Variants in PARD3 observed in about 807,000 individuals in gnomAD.
The protein encoded by PARD3 is partitioning defective 3 homolog.
PARD3 carries 75 observed loss-of-function variants against 155.4 expected under a neutral mutation model. That is an observed-to-expected ratio of 0.48 (90% CI 0.40 to 0.58). PARD3 has a LOEUF of 0.58. PARD3 is among the 20% of genes least tolerant of loss of function. The pLI, the probability that PARD3 is intolerant of heterozygous loss-of-function variation, is 0.00. For missense variants in PARD3, 1,642 were observed against 1,721.7 expected (o/e 0.95, Z 0.82); for synonymous variants, 576 against 610.5 (o/e 0.94, Z 0.83).
chr10:34,568,026 C>G (rs1435469333), intron 2 of PARD3, among the ~76,000 whole-genome samples: 1 of 152,214 alleles, frequency 6.6e-6, no homozygotes, highest in Non-Finnish European at 1.5e-5. Flanking sequence ...CAACTGTCTT[C>G]CATTCACTAG....
chr10:34,316,315 TATGGGAG>T (rs1046437521), intron 20 of PARD3, among the ~76,000 whole-genome samples: 17 of 152,200 alleles, frequency 1.1e-4, no homozygotes, highest in African/African-American at 3.9e-4. Flanking sequence ...GATGAACTTT[TATGGGAG>T]AGTTTCAGTG....
At chr10:34,494,608 C>T (rs2080148315) in intron 3 of PARD3, among the ~76,000 whole-genome samples, 1 of 152,170 alleles carries the variant, frequency 6.6e-6, no homozygotes, top group Admixed American at 6.5e-5. Context: ...TTAGGAAAAT[C>T]TTTCTGAGCA....
intron 22 of PARD3, among the ~76,000 whole-genome samples, chr10:34,210,189 A>G (rs1399659490): frequency 6.6e-6 from 1 of 152,162 alleles, no homozygotes; most frequent in Non-Finnish European, 1.5e-5. Context: ...ATCAATGCAA[A>G]AACAGGTCAT....
chr10:34,650,305 G>A (rs538546199), intron 2 of PARD3, among the ~76,000 whole-genome samples: 20 of 152,330 alleles, frequency 1.3e-4, no homozygotes, highest in African/African-American at 4.8e-4. Flanking sequence ...ACTGCAGGTC[G>A]ACACTACGAC....
At chr10:34,357,527 T>G (rs1839013637) in intron 14 of PARD3, among the ~76,000 whole-genome samples, 1 of 152,216 alleles carries the variant, frequency 6.6e-6, no homozygotes, top group South Asian at 2.1e-4. Flanking sequence ...GTTGAGATGT[T>G]TTCATATAGT....
At chr10:34,672,711 TAGA>T (rs376798943) in intron 2 of PARD3, among the ~76,000 whole-genome samples, 10 of 152,238 alleles carry the variant, frequency 6.6e-5, no homozygotes, top group African/African-American at 2.4e-4. Context: ...ATGCTCCTTG[TAGA>T]AGAACTGTTG....
intron 22 of PARD3, among the ~76,000 whole-genome samples, chr10:34,264,494 G>C (rs2133826452): frequency 6.6e-6 from 1 of 152,296 alleles, no homozygotes; most frequent in South Asian, 2.1e-4. Context: ...ATAAGAACTA[G>C]AAGAGCTGCT....
intron 2 of PARD3, among the ~76,000 whole-genome samples, chr10:34,521,315 T>C (rs367889091): frequency 2.2e-5 from 3 of 135,172 alleles, no homozygotes; most frequent in Non-Finnish European, 1.5e-5. Context: ...CTGGGAAAGA[T>C]ATATAATTTT....
At chr10:34,777,200 G>A (rs1412555585) in intron 1 of PARD3, among the ~76,000 whole-genome samples, 2 of 151,872 alleles carry the variant, frequency 1.3e-5, no homozygotes, top group African/African-American at 2.4e-5. Flanking sequence ...GAAGACTCCT[G>A]CCTGCTCACA....
chr10:34,753,014 G>A (rs10082378), intron 1 of PARD3, among the ~76,000 whole-genome samples: 3,602 of 152,306 alleles, frequency 0.024, 145 homozygotes, highest in African/African-American at 0.083. Flanking sequence ...TCTAATGGAA[G>A]AAAACAGCCA....
chr10:34,372,048 T>G (rs1278231778), intron 12 of PARD3, among the ~76,000 whole-genome samples: 1 of 152,178 alleles, frequency 6.6e-6, no homozygotes, highest in Non-Finnish European at 1.5e-5. Flanking sequence ...ACAACTATGC[T>G]TAGCCTAATA....
chr10:34,797,657 T>C (rs2134299037), intron 1 of PARD3, among the ~76,000 whole-genome samples: 1 of 152,318 alleles, frequency 6.6e-6, no homozygotes, highest in South Asian at 2.1e-4. Context: ...AATACCATAG[T>C]TGACCGGTTT....
At chr10:34,374,162 C>G (rs965307257) in intron 11 of PARD3, among the ~76,000 whole-genome samples, 4 of 152,184 alleles carry the variant, frequency 2.6e-5, no homozygotes, top group African/African-American at 9.6e-5. Context: ...TAAATGAAAC[C>G]TAGCACTTTT....
intron 2 of PARD3, among the ~76,000 whole-genome samples, chr10:34,572,466 C>G (rs926662199): frequency 6.6e-6 from 1 of 151,870 alleles, no homozygotes; most frequent in Admixed American, 6.6e-5. Flanking sequence ...ATGGTAAAAC[C>G]CTGTCTCTAC....
chr10:34,268,620 C>T (rs1290709138), intron 22 of PARD3, among the ~76,000 whole-genome samples: 1 of 151,982 alleles, frequency 6.6e-6, no homozygotes, highest in Admixed American at 6.6e-5. Flanking sequence ...GAGTTCATGT[C>T]CTTTGTAGGG....
intron 1 of PARD3, among the ~76,000 whole-genome samples, chr10:34,702,487 C>A (rs1438303906): frequency 6.6e-6 from 1 of 152,168 alleles, no homozygotes; most frequent in Non-Finnish European, 1.5e-5. Context: ...AGTGACTGCC[C>A]CTCCCAGCCC....
chr10:34,228,628 G>A lies in PARD3; in HGVS notation c.3419+41029C>T, dbSNP rs776538051. 4.6e-5 allele frequency among the ~76,000 whole-genome samples: 7 copies of A among 151,978 alleles called. No individual in the cohort carries two copies. In the South Asian group the frequency reaches 6.2e-4, roughly 14 times the overall value. ...AATTATAGACTTGTACACTTTAAACGGGTGAATTATATGATATGAACATTA... is the reference window on the plus strand; with the variant it reads ...AATTATAGACTTGTACACTTTAAACAGGTGAATTATATGATATGAACATTA... On this transcript the variant is annotated intron_variant, in intron 22 of 24. Coordinates refer to ENST00000374788, the MANE Select transcript of PARD3 (RefSeq NM_001184785.2).
At chr10:34,577,995 G>A (rs2087044228) in intron 2 of PARD3, among the ~76,000 whole-genome samples, 1 of 151,700 alleles carries the variant, frequency 6.6e-6, no homozygotes. Context: ...GGGACTACAG[G>A]AACATGCCAG....
intron 22 of PARD3, among the ~76,000 whole-genome samples, chr10:34,179,184 A>G (rs1489396713): frequency 6.6e-6 from 1 of 152,144 alleles, no homozygotes; most frequent in South Asian, 2.1e-4. Flanking sequence ...ACACACACAC[A>G]CACACACACA....
Sources: gnomAD v4.1 joint callset for allele counts (sites outside exome capture counted in the v4.1 genomes callset) on GRCh38, gnomAD v4.1.1 for gene constraint, MANE v1.5 for transcripts, NCBI Gene and HGNC (gene_info 2026-07-23, HGNC 2026-07-21) for gene names.